The following UCHL1 variants were observed in gnomAD, a reference collection of about 807,000 sequenced individuals.
UCHL1 encodes ubiquitin C-terminal hydrolase L1.
A neutral mutation model predicts 33.3 loss-of-function variants in UCHL1; 5 were observed. That is an observed-to-expected ratio of 0.15 (90% CI 0.08 to 0.32). The LOEUF (loss-of-function observed/expected upper bound fraction) is 0.32, where lower values mean the gene tolerates loss of function less well. Ranked by LOEUF, UCHL1 falls within the 10% of genes least tolerant of loss-of-function variation. UCHL1 has a pLI of 1.00. For missense variants in UCHL1, 236 were observed against 280.0 expected, an observed-to-expected ratio of 0.84 and a Z score of 1.12; for synonymous variants, 132 against 108.8, an observed-to-expected ratio of 1.21 and a Z score of -1.33.
chr4:41,257,368 C>T (rs1461569716), intron 2 of UCHL1: 4 of 902,060 alleles, frequency 4.4e-6, no homozygotes, highest in Non-Finnish European at 6.4e-6. Context: ...AGGCGGAGCT[C>T]CCGAGGGCGT....
In UCHL1 at chr4:41,256,941, C is replaced by G; in HGVS notation, c.-36C>G. The G allele has an allele frequency of 6.2e-7, 1 of 1,614,094 alleles. No homozygotes were observed. The highest frequency in any genetic ancestry group is 8.5e-7 in the Non-Finnish European group (1 of 1,180,012). Reference sequence around the variant, plus strand: ...GGCGGCTCCGCTAGCTGTTTTTCGTCTTCCCTAGGCTATTTCTGCCGGGCG... The same window carrying G: ...GGCGGCTCCGCTAGCTGTTTTTCGTGTTCCCTAGGCTATTTCTGCCGGGCG... On this transcript the variant is annotated 5_prime_UTR_variant, in exon 1 of 9. Transcript: ENST00000284440.
rs375810834 is a variant in UCHL1 at position 41,262,013 on chromosome 4, CA to C, written c.459+93del. ...GCAGGAATCTCTTACTGGAACACAG[CA>C]AATGTTATCCACCCAAGGCCAAATG... On this transcript the variant is annotated intron_variant, in intron 6 of 8. Coordinates refer to ENST00000284440, the MANE Select transcript of UCHL1 (RefSeq NM_004181.5). 3.2e-4 allele frequency: 498 copies of C among 1,537,352 alleles called. No homozygotes were observed. In the African/African-American group the frequency reaches 5.2e-3, roughly 16 times the overall value.
chr4:41,258,945 G>GT (rs1379302537), intron 3 of UCHL1, among the ~76,000 whole-genome samples: 2 of 152,228 alleles, frequency 1.3e-5, no homozygotes, highest in African/African-American at 4.8e-5. Flanking sequence ...TCACACAGAG[G>GT]TTTTTTATTA....
At chr4:41,257,800 C>T in intron 3 of UCHL1, 63 bp downstream of exon 3, 3 of 1,520,390 alleles carry the variant, frequency 2.0e-6, no homozygotes, top group African/African-American at 1.4e-5. Flanking sequence ...CAGCTTGAGT[C>T]CTCGGGGGCT....
intron 3 of UCHL1, among the ~76,000 whole-genome samples, chr4:41,259,336 A>G (rs1042080656): frequency 4.6e-5 from 7 of 152,248 alleles, no homozygotes; most frequent in Non-Finnish European, 7.3e-5. Context: ...ATTAAGTGCT[A>G]GTAGACTATT....
Position 41,261,905 on chromosome 4 carries a change from A to G in UCHL1, c.441A>G (p.Ala147=), listed in dbSNP as rs886238721. The part of the protein sequence containing the change: ...EAIQAAHDAV[A]QEGQCRVDDK... ...TACAGGCAGCCCATGATGCCGTGGC[A>G]CAGGAAGGCCAATGTCGGGTAAATG... is the stretch of plus-strand genomic sequence containing the variant. Residue 147 remains alanine, a synonymous_variant, in exon 6 of 9, where the codon GCA becomes GCG. Transcript: ENST00000284440. 3.7e-6 allele frequency: 6 copies of G among 1,614,040 alleles called. No individual in the cohort carries two copies. Among genetic ancestry groups the G allele is most frequent in the Non-Finnish European group, 5.1e-6 (6 of 1,180,048 alleles).
intron 8 of UCHL1, among the ~76,000 whole-genome samples, chr4:41,264,912 T>C (rs1781127822): frequency 6.6e-6 from 1 of 152,222 alleles, no homozygotes; most frequent in African/African-American, 2.4e-5. Context: ...TAGTATAAAA[T>C]CTTTGCAGAA....
intron 7 of UCHL1, 45 bp from the exon 8 acceptor site, chr4:41,264,058 G>A: frequency 3.1e-6 from 5 of 1,613,950 alleles, no homozygotes; most frequent in Non-Finnish European, 4.2e-6. Flanking sequence ...ACGGTAGCCA[G>A]AAAACATGCA....
intron 7 of UCHL1, 96 bp from the exon 8 acceptor site, chr4:41,264,007 T>C (rs2154087264): frequency 6.5e-7 from 1 of 1,543,232 alleles, no homozygotes. Context: ...TTGGCAGTGG[T>C]TTTTGGAAGA....
Position 41,268,419 on chromosome 4 carries a change from C to T in UCHL1, c.*346C>T, listed in dbSNP as rs1206286800. The T allele has an allele frequency of 3.2e-6, 1 of 311,002 alleles. No individual in the cohort carries two copies. Among genetic ancestry groups the T allele is most frequent in the Non-Finnish European group, 6.0e-6 (1 of 166,312 alleles). The allele number at this position is 311,002 out of a possible 1,614,324, so 19.3% of individuals were successfully genotyped here. A position where few individuals can be genotyped will look rare whatever the true frequency, so the allele number is the denominator to read the frequency against. On this transcript the variant is annotated 3_prime_UTR_variant, in exon 9 of 9. Transcript: ENST00000284440. ...CCTCAAAAGGAATAAAACTTTTCTG[C>T]TGATAAGATAGCCACAGCTGATTCT...
chr4:41,257,043 C>T (rs754144624), intron 1 of UCHL1, 34 bp downstream of exon 1: 1 of 1,613,966 alleles, frequency 6.2e-7, no homozygotes, highest in Non-Finnish European at 8.5e-7. Context: ...CCGGAGAGCG[C>T]GAGGCCGAGG....
At chr4:41,258,591 A>G (rs890060368) in intron 3 of UCHL1, among the ~76,000 whole-genome samples, 16 of 152,008 alleles carry the variant, frequency 1.1e-4, no homozygotes, top group Admixed American at 6.5e-5. Context: ...CTTATCTCCT[A>G]TTGCTGTCAC....
intron 8 of UCHL1, among the ~76,000 whole-genome samples, chr4:41,267,395 C>T (rs1329498551): frequency 1.3e-5 from 2 of 152,174 alleles, no homozygotes; most frequent in African/African-American, 4.8e-5. Flanking sequence ...CAGATGCCCG[C>T]CATCATGCCC....
chr4:41,257,242 G>T (rs1445029849), intron 2 of UCHL1, 116 bp downstream of exon 2: 17 of 1,515,444 alleles, frequency 1.1e-5, no homozygotes, highest in Non-Finnish European at 1.3e-5. Flanking sequence ...CACCGGAGAC[G>T]GCCGGGCTGG....
At chr4:41,260,160 T>C (rs570632794) in intron 3 of UCHL1, among the ~76,000 whole-genome samples, 71 of 152,346 alleles carry the variant, frequency 4.7e-4, no homozygotes, top group African/African-American at 1.6e-3. Context: ...GTTTTTGTTT[T>C]TGAAGCGAAG....
intron 3 of UCHL1, among the ~76,000 whole-genome samples, chr4:41,258,439 C>G (rs1781018508): frequency 6.6e-6 from 1 of 152,098 alleles, no homozygotes; most frequent in African/African-American, 2.4e-5. Context: ...CTTTGCATTT[C>G]CCTTGAAATG....
Position 41,268,246 on chromosome 4 carries a change from C to G in UCHL1, c.*173C>G. 1 of 662,138 alleles carries G rather than the reference C, an allele frequency of 1.5e-6. No individual in the cohort carries two copies. Among genetic ancestry groups the G allele is most frequent in the Non-Finnish European group, 2.7e-6 (1 of 369,638 alleles). 41.0% of individuals were successfully genotyped at this position (662,138 alleles called of 1,614,324 possible). ...GGCACTTAAGCACAAGCAGAGTGCA[C>G]AGCTGTCCACTGGGCCATTGTGGTG... On this transcript the variant is annotated 3_prime_UTR_variant, in exon 9 of 9. Transcript: ENST00000284440.
chr4:41,260,944 C>T, intron 4 of UCHL1, 147 bp downstream of exon 4: 1 of 1,222,822 alleles, frequency 8.2e-7, no homozygotes, highest in Non-Finnish European at 1.2e-6. Flanking sequence ...GACTCACAGT[C>T]CTCCTCAGAA....
In UCHL1 at chr4:41,261,807, G is replaced by A. The variant is rs1781072136; in HGVS notation, c.411+7G>A. On this transcript the variant is annotated splice_region_variant and intron_variant, in intron 5 of 8. Coordinates refer to ENST00000284440, the MANE Select transcript of UCHL1 (RefSeq NM_004181.5). ...ATGCTTTGAAAAGAATGAGGTAAGA[G>A]AACTTACAGAGCATGGCCTTTAAAT... is the stretch of plus-strand genomic sequence containing the variant. 1 of 1,613,972 alleles carries A rather than the reference G, an allele frequency of 6.2e-7. No homozygotes were observed. The highest frequency in any genetic ancestry group is 8.5e-7 in the Non-Finnish European group (1 of 1,180,024).
Sources: gnomAD v4.1 joint callset for allele counts (sites outside exome capture counted in the v4.1 genomes callset) on GRCh38, gnomAD v4.1.1 for gene constraint, MANE v1.5 for transcripts, NCBI Gene and HGNC (gene_info 2026-07-23, HGNC 2026-07-21) for gene names.